The following NR1H3 variants were observed in gnomAD, a reference collection of about 807,000 sequenced individuals.
The protein encoded by NR1H3 is nuclear receptor subfamily 1 group H member 3.
Under a neutral mutation model 48.1 loss-of-function variants are expected in NR1H3, and 19 were observed. The ratio of observed to expected loss-of-function variants is 0.40; its 90% CI spans 0.28 to 0.58. NR1H3 has a LOEUF of 0.58. Ranked by LOEUF, NR1H3 falls within the 20% of genes least tolerant of loss-of-function variation. The pLI, the probability that NR1H3 is intolerant of heterozygous loss-of-function variation, is 0.50. For synonymous variants in NR1H3, 232 were observed against 227.3 expected, an observed-to-expected ratio of 1.02 and a Z score of -0.19; for missense variants, 486 against 595.9, an observed-to-expected ratio of 0.82 and a Z score of 1.92.
At chr11:47,255,545 CTTTCTTTCTTTCTTTCTT>C (rs1565178169), upstream of NR1H3, among the ~76,000 whole-genome samples, 779 of 99,850 alleles carry the variant, frequency 7.8e-3, 16 homozygotes, top group East Asian at 0.048. Flanking sequence ...CTTTCTTTTT[CTTTCTTTCTTTCTTTCTT>C]TCTTTCTTTC....
chr11:47,249,526 C>T (rs1414982731), intron 1 of NR1H3, among the ~76,000 whole-genome samples: 1 of 152,136 alleles, frequency 6.6e-6, no homozygotes, highest in Non-Finnish European at 1.5e-5. Flanking sequence ...TTTACAAACC[C>T]AAAGCACTGA....
Position 47,266,159 on chromosome 11 carries a change from A to G in NR1H3, c.989-1754A>G, listed in dbSNP as rs1321347785. Among the ~76,000 whole-genome samples the G allele has an allele frequency of 2.6e-5, 4 of 152,222 alleles. 1 individual carries two copies. In the East Asian group the frequency reaches 7.7e-4, roughly 29 times the overall value. On this transcript the variant is annotated intron_variant, in intron 7 of 9. Transcript: ENST00000441012. ...TCTAGTGTTCAAATAAGTAAGGCCA[A>G]TGCCAGTGAAAAACAAGTCTTTTTT...
chr11:47,267,124 T>C (rs1956568922), intron 7 of NR1H3, among the ~76,000 whole-genome samples: 2 of 151,822 alleles, frequency 1.3e-5, no homozygotes, highest in Admixed American at 1.3e-4. Flanking sequence ...CTGGGCAACA[T>C]GGTGAAATCC....
At chr11:47,261,217 C>A in intron 4 of NR1H3, 24 bp from the exon 5 acceptor site, 1 of 1,392,252 alleles carries the variant, frequency 7.2e-7, no homozygotes, top group Non-Finnish European at 9.7e-7. Context: ...CTGCTCCCTT[C>A]CTCATATTTG....
chr11:47,267,117 G>A (rs1320534373), intron 7 of NR1H3, among the ~76,000 whole-genome samples: 4 of 151,854 alleles, frequency 2.6e-5, no homozygotes, highest in African/African-American at 9.7e-5. Context: ...GACCAGCCTG[G>A]GCAACATGGT....
rs144558044 is a variant in NR1H3, at chr11:47,268,019, C to A, written c.1095C>A (p.Phe365Leu). Residue 365 changes from phenylalanine (F) to leucine (L), a missense_variant, in exon 8 of 10, where the codon TTC becomes TTA. Phe to Leu is a conservative substitution (Grantham distance 22). Coordinates refer to ENST00000441012, the MANE Select transcript of NR1H3 (RefSeq NM_005693.4). ...CCTTGCTCATTGCTATCAGCATCTT[C>A]TCTGCAGGTGTGGAGGAGGGGCAAT... is the stretch of plus-strand genomic sequence containing the variant. ...EFALLIAISI[F>L]SADRPNVQDQ... The A allele has an allele frequency of 1.4e-5, 23 of 1,611,886 alleles. No homozygotes were observed. The highest frequency in any genetic ancestry group is 2.7e-5 in the African/African-American group (2 of 74,742).
intron 1 of NR1H3, among the ~76,000 whole-genome samples, chr11:47,250,064 CACTCCAGCCTGCGCGACAGAGTGAG>C (rs879456359): frequency 3.4e-4 from 52 of 152,248 alleles, no homozygotes; most frequent in Non-Finnish European, 5.4e-4. Context: ...CACGCCACTG[CACTCCAGCCTGCGCGACAGAGTGAG>C]ACTGTCTCAA....
At chr11:47,251,538 G>T (rs3758671) in intron 1 of NR1H3, among the ~76,000 whole-genome samples, 1 of 151,948 alleles carries the variant, frequency 6.6e-6, no homozygotes, top group Non-Finnish European at 1.5e-5. Flanking sequence ...CTTGAACCCA[G>T]GATACAGAGG....
At chr11:47,253,134 C>CGTGT (rs60982687), upstream of NR1H3, among the ~76,000 whole-genome samples, 5 of 147,654 alleles carry the variant, frequency 3.4e-5, no homozygotes, top group Admixed American at 2.0e-4. Flanking sequence ...AATTTTTGTG[C>CGTGT]GTGTGTGTGT....
upstream of NR1H3, among the ~76,000 whole-genome samples, chr11:47,255,560 T>C (rs1299882823): frequency 1.4e-5 from 1 of 71,654 alleles, no homozygotes; most frequent in African/African-American, 8.2e-5. Flanking sequence ...TTTCTTTCTT[T>C]CTTTCTTTCT....
chr11:47,266,590 T>C (rs545233743), intron 7 of NR1H3, among the ~76,000 whole-genome samples: 5 of 152,046 alleles, frequency 3.3e-5, no homozygotes, highest in Admixed American at 3.3e-4. Flanking sequence ...TGCCTCGGCC[T>C]CCTAAAGTGC....
intron 4 of NR1H3, 38 bp downstream of exon 4, chr11:47,260,713 G>A (rs1488349839): frequency 1.3e-6 from 2 of 1,555,014 alleles, no homozygotes; most frequent in Admixed American, 1.9e-5. Context: ...GAGGCTGAGG[G>A]GAAAGAGGGG....
chr11:47,259,314 C>G, intron 2 of NR1H3, 55 bp downstream of exon 2: 1 of 1,612,112 alleles, frequency 6.2e-7, no homozygotes, highest in African/African-American at 1.3e-5. Flanking sequence ...TCCACGCCTC[C>G]TGTAGGAATC....
At chr11:47,249,030 C>T in intron 1 of NR1H3, 1 of 1,461,106 alleles carries the variant, frequency 6.8e-7, no homozygotes, top group East Asian at 2.5e-5. Flanking sequence ...AGACAGGGCT[C>T]GAAGACCTCA....
At chr11:47,249,826 G>A (rs2135555024) in intron 1 of NR1H3, among the ~76,000 whole-genome samples, 1 of 152,188 alleles carries the variant, frequency 6.6e-6, no homozygotes, top group Middle Eastern at 3.4e-3. Flanking sequence ...GGGCGCCGTG[G>A]CTCACCTGTA....
At chr11:47,249,834 G>C (rs144034217) in intron 1 of NR1H3, among the ~76,000 whole-genome samples, 249 of 152,152 alleles carry the variant, frequency 1.6e-3, no homozygotes, top group African/African-American at 5.3e-3. Flanking sequence ...TGGCTCACCT[G>C]TAATACCAGC....
chr11:47,254,799 G>C (rs59663860), upstream of NR1H3, among the ~76,000 whole-genome samples: 57,379 of 151,866 alleles, frequency 0.38, 11,794 homozygotes, highest in East Asian at 0.75. Flanking sequence ...TCACCAGGCT[G>C]CTCTTCTGCC....
At chr11:47,248,805 T>C (rs1335512940), upstream of NR1H3, 3 of 1,577,468 alleles carry the variant, frequency 1.9e-6, no homozygotes, top group Admixed American at 1.8e-5. Context: ...TTGTAATCTA[T>C]GCAGCAAACA....
chr11:47,256,979 C>A (rs1591089851), upstream of NR1H3, among the ~76,000 whole-genome samples: 1 of 152,244 alleles, frequency 6.6e-6, no homozygotes, highest in East Asian at 1.9e-4. Flanking sequence ...ATCCGCCTGC[C>A]TCGGCCTCCC....
Sources: allele counts gnomAD v4.1 joint callset (sites outside exome capture counted in the v4.1 genomes callset), GRCh38; gene constraint gnomAD v4.1.1; transcripts MANE v1.5; gene names NCBI Gene and HGNC (gene_info 2026-07-23, HGNC 2026-07-21).